HMCN1: variants seen among roughly 807,000 people sequenced by gnomAD.
HMCN1 encodes the protein hemicentin 1, also known as hemicentin-1.
Under a neutral mutation model 625.9 loss-of-function variants are expected in HMCN1, and 321 were observed. The ratio of observed to expected loss-of-function variants is 0.51; its 90% CI spans 0.47 to 0.56. The LOEUF (loss-of-function observed/expected upper bound fraction) is 0.56. Among genes scored for constraint, HMCN1 ranks in the 20% least tolerant of loss-of-function variants. HMCN1 has a pLI of 0.00. For missense variants in HMCN1, 6,588 were observed against 6,887.3 expected, an observed-to-expected ratio of 0.96 and a Z score of 1.54; for synonymous variants, 2,425 against 2,417.6, an observed-to-expected ratio of 1.00 and a Z score of -0.09.
At chr1:186,010,314 A>G (rs373607370) in intron 30 of HMCN1, among the ~76,000 whole-genome samples, 3 of 152,104 alleles carry the variant, frequency 2.0e-5, no homozygotes, top group East Asian at 3.9e-4. Flanking sequence ...CCCCAAATGG[A>G]AGTATAGTTC....
intron 77 of HMCN1, among the ~76,000 whole-genome samples, chr1:186,118,766 T>G (rs1185552624): frequency 6.6e-6 from 1 of 152,178 alleles, no homozygotes; most frequent in Non-Finnish European, 1.5e-5. Context: ...GACCACATAC[T>G]GGATGATTCA....
chr1:186,022,942 A>C, intron 35 of HMCN1, 88 bp from the exon 36 acceptor site: 5 of 1,308,278 alleles, frequency 3.8e-6, no homozygotes, highest in Non-Finnish European at 5.5e-6. Context: ...AGATATTATA[A>C]ATTTAAATGA....
At chr1:185,850,794 T>C (rs1350752790) in intron 2 of HMCN1, among the ~76,000 whole-genome samples, 1 of 152,166 alleles carries the variant, frequency 6.6e-6, no homozygotes, top group Non-Finnish European at 1.5e-5. Flanking sequence ...TCTCCCCTTT[T>C]CTGCACTTTC....
intron 31 of HMCN1, 150 bp downstream of exon 31, chr1:186,015,587 A>G: frequency 1.2e-6 from 1 of 840,042 alleles, no homozygotes; most frequent in Admixed American, 2.4e-5. Flanking sequence ...CATGATTTGG[A>G]AAAATATTTT....
chr1:186,063,453 GGAAGGAAGGAAGGAA>G, intron 48 of HMCN1, among the ~76,000 whole-genome samples: 1 of 2,148 alleles, frequency 4.7e-4, no homozygotes, highest in African/African-American at 2.3e-3. Flanking sequence ...GGAGAGAGAA[GGAAGGAAGGAAGGAA>G]GGAAGGAAGG....
chr1:185,891,408 G>A lies in HMCN1; in HGVS notation c.622-17929G>A, dbSNP rs1219802878. Among the ~76,000 whole-genome samples the A allele has an allele frequency of 4.0e-5, 6 of 148,218 alleles. 1 individual carries two copies. Among genetic ancestry groups the A allele is most frequent in the African/African-American group, 8.0e-5 (3 of 37,626 alleles). On this transcript the variant is annotated intron_variant, in intron 4 of 106. Coordinates refer to ENST00000271588, the MANE Select transcript of HMCN1 (RefSeq NM_031935.3). ...GTTGATGCAGTTTCTTGCTAGTCTC[G>A]ATGTTCTTTACATTTTGGCATGATT...
intron 105 of HMCN1, among the ~76,000 whole-genome samples, chr1:186,186,994 TCACACACACACACACACA>T (rs371455899): frequency 1.6e-4 from 22 of 134,516 alleles, no homozygotes; most frequent in African/African-American, 4.4e-4. Flanking sequence ...TGTCTCTGTC[TCACACACACACACACACA>T]CACACACACA....
intron 42 of HMCN1, among the ~76,000 whole-genome samples, chr1:186,049,464 C>G (rs1351325838): frequency 6.6e-6 from 1 of 151,454 alleles, no homozygotes; most frequent in East Asian, 1.9e-4. Context: ...GATGGGATTA[C>G]TATAATAACC....
Position 185,987,462 on chromosome 1 carries a change from T to C in HMCN1, c.2966T>C (p.Ile989Thr), listed in dbSNP as rs781346656. The C allele has an allele frequency of 6.2e-6, 10 of 1,613,840 alleles. No individual in the cohort carries two copies. The highest frequency in any genetic ancestry group is 7.6e-6 in the Non-Finnish European group (9 of 1,179,690). Residue 989 changes from isoleucine to threonine, a missense_variant, in exon 20 of 107, where the codon ATA becomes ACA. By Grantham distance (89) the Ile-to-Thr change is moderately conservative. Transcript: ENST00000271588. ...VLPTIQHGQQILSTIEGIPVT... is the reference protein window; with the variant it reads ...VLPTIQHGQQTLSTIEGIPVT... ...CCAACCATTCAGCATGGGCAGCAGA[T>C]ACTCAGTACAATTGAAGGCATTCCA...
At chr1:186,030,440 C>T (rs943864307) in intron 36 of HMCN1, among the ~76,000 whole-genome samples, 11 of 151,972 alleles carry the variant, frequency 7.2e-5, no homozygotes, top group Middle Eastern at 6.8e-3. Flanking sequence ...TTTTAAAGTC[C>T]TACTTTGTTG....
At chr1:185,865,109 G>A (rs879112610) in intron 3 of HMCN1, among the ~76,000 whole-genome samples, 1 of 152,202 alleles carries the variant, frequency 6.6e-6, no homozygotes, top group African/African-American at 2.4e-5. Context: ...GGTGTGTCTA[G>A]GGAATAGTGT....
chr1:186,103,867 C>T (rs552555574), intron 69 of HMCN1, among the ~76,000 whole-genome samples, 199 bp downstream of exon 69: 5 of 152,168 alleles, frequency 3.3e-5, no homozygotes, highest in African/African-American at 7.2e-5. Context: ...TATTAAACTC[C>T]GAAGAAAGCA....
intron 4 of HMCN1, among the ~76,000 whole-genome samples, chr1:185,896,054 G>C: frequency 6.6e-6 from 1 of 151,686 alleles, no homozygotes; most frequent in East Asian, 1.9e-4. Flanking sequence ...TCCTGCTTCA[G>C]CCTCTTGAGT....
In HMCN1 at chr1:186,115,387, A is replaced by T. The variant is rs765148750; in HGVS notation, c.11534A>T (p.Asn3845Ile). The T allele has an allele frequency of 1.2e-6, 2 of 1,613,650 alleles. No individual in the cohort carries two copies. The highest frequency in any genetic ancestry group is 1.1e-5 in the South Asian group (1 of 91,084). Reference sequence around the variant, plus strand: ...TGGAGAAAAAATGGGCATCTTCTTAATGTGGATCAAAATCAGAACTCATAC... The same window carrying T: ...TGGAGAAAAAATGGGCATCTTCTTATTGTGGATCAAAATCAGAACTCATAC... ...INWRKNGHLL[N>I]VDQNQNSYRL... The change falls in exon 75 of 107, where the codon AAT (asparagine) becomes ATT (isoleucine). Residue 3845 changes from asparagine to isoleucine, a missense_variant. Coordinates refer to ENST00000271588, the MANE Select transcript of HMCN1 (RefSeq NM_031935.3).
chr1:186,102,404 A>G (rs964188455), intron 68 of HMCN1, among the ~76,000 whole-genome samples: 1 of 152,270 alleles, frequency 6.6e-6, no homozygotes, highest in East Asian at 1.9e-4. Context: ...AATAATACCA[A>G]CAGTTGCAGT....
At chr1:185,969,342 G>A (rs1471893225) in intron 14 of HMCN1, among the ~76,000 whole-genome samples, 6 of 132,656 alleles carry the variant, frequency 4.5e-5, no homozygotes, top group South Asian at 2.1e-4. Context: ...AGGCACTGAC[G>A]GTTGCTGATG....
At chr1:186,163,554 C>T (rs1205535450) in intron 97 of HMCN1, among the ~76,000 whole-genome samples, 1 of 152,122 alleles carries the variant, frequency 6.6e-6, no homozygotes, top group Non-Finnish European at 1.5e-5. Context: ...ATCTTGGCTC[C>T]TCCCCCCAAT....
intron 1 of HMCN1, among the ~76,000 whole-genome samples, chr1:185,811,598 GAAAAAT>G (rs1252371753): frequency 6.6e-6 from 1 of 151,198 alleles, no homozygotes; most frequent in Non-Finnish European, 1.5e-5. Flanking sequence ...CCTGTCTCTT[GAAAAAT>G]AAAAATAAAA....
At position 186,146,260 on chromosome 1, in the gene HMCN1, G is replaced by C. The variant is rs573683134; in HGVS notation, c.14608+337G>C. ...CTAAAGAAAGCTACAATTGGAGGCT[G>C]TTCATCTGTGGATGGGAATTTGAAT... On this transcript the variant is annotated intron_variant, in intron 93 of 106. Transcript: ENST00000271588. Among the ~76,000 whole-genome samples, 135 of 152,280 alleles carry C rather than the reference G, an allele frequency of 8.9e-4. 2 individuals carry two copies. The highest frequency in any genetic ancestry group is 3.1e-3 in the African/African-American group (127 of 41,564).
Sources: allele counts gnomAD v4.1 joint callset (sites outside exome capture counted in the v4.1 genomes callset), GRCh38; gene constraint gnomAD v4.1.1; transcripts MANE v1.5; gene names NCBI Gene and HGNC (gene_info 2026-07-23, HGNC 2026-07-21).